Variants in DCC observed in about 807,000 individuals in gnomAD.
DCC encodes the protein netrin receptor DCC.
Under a neutral mutation model 172.5 loss-of-function variants are expected in DCC, and 58 were observed. The observed-to-expected ratio is 0.34, with a 90% CI of 0.27 to 0.42. The LOEUF (loss-of-function observed/expected upper bound fraction) is 0.42. DCC is among the 10% of genes least tolerant of loss of function. DCC has a pLI of 1.00. For synonymous variants in DCC, 709 were observed against 644.5 expected, an observed-to-expected ratio of 1.10 and a Z score of -1.52; for missense variants, 1,740 against 1,791.0, an observed-to-expected ratio of 0.97 and a Z score of 0.51.
intron 2 of DCC, among the ~76,000 whole-genome samples, chr18:52,769,587 T>G (rs756301234): frequency 6.6e-6 from 1 of 152,160 alleles, no homozygotes; most frequent in Non-Finnish European, 1.5e-5. Flanking sequence ...TGCAATTCAG[T>G]CTATCAATTA....
In DCC at chr18:52,879,393, T is replaced by C. The variant is rs527603395; in HGVS notation, c.413-26651T>C. ...GTTAACCAACTATACATGAAATTTCTAGCCCATATGTTGTTTGGCTTTTTT... is the reference window on the plus strand; with the variant it reads ...GTTAACCAACTATACATGAAATTTCCAGCCCATATGTTGTTTGGCTTTTTT... On this transcript the variant is annotated intron_variant, in intron 2 of 28. Coordinates refer to ENST00000442544, the MANE Select transcript of DCC (RefSeq NM_005215.4). Among the ~76,000 whole-genome samples the C allele has an allele frequency of 6.0e-5, 9 of 149,202 alleles. No homozygotes were observed. The South Asian group carries it at 1.9e-3, about 32-fold the overall frequency.
intron 2 of DCC, among the ~76,000 whole-genome samples, chr18:52,866,715 T>G (rs1252243849): frequency 6.6e-6 from 1 of 152,236 alleles, no homozygotes; most frequent in East Asian, 1.9e-4. Flanking sequence ...ATGCTTATGA[T>G]TTTCGCACAT....
intron 5 of DCC, among the ~76,000 whole-genome samples, chr18:52,959,329 G>T (rs2040801238): frequency 1.3e-5 from 2 of 152,076 alleles, no homozygotes; most frequent in South Asian, 2.1e-4. Flanking sequence ...CCAGAAAATT[G>T]TTCATGTTAA....
chr18:53,385,341 C>G (rs1908086225), intron 15 of DCC, among the ~76,000 whole-genome samples: 1 of 152,122 alleles, frequency 6.6e-6, no homozygotes, highest in Non-Finnish European at 1.5e-5. Flanking sequence ...ATGTGACATT[C>G]AAAGCTAAAG....
chr18:52,677,836 C>T (rs978273554), intron 1 of DCC, among the ~76,000 whole-genome samples: 11 of 152,108 alleles, frequency 7.2e-5, no homozygotes, highest in African/African-American at 2.2e-4. Context: ...GCTGGCTTCT[C>T]GTTGAGCAAG....
At chr18:52,458,386 G>T (rs1988524328) in intron 1 of DCC, among the ~76,000 whole-genome samples, 1 of 152,052 alleles carries the variant, frequency 6.6e-6, no homozygotes, top group African/African-American at 2.4e-5. Context: ...GTGTCTTAGG[G>T]GTACTGGGTG....
At chr18:52,758,929 T>C (rs1260565665) in intron 2 of DCC, 1 of 152,178 alleles carries the variant, frequency 6.6e-6, no homozygotes, top group Non-Finnish European at 1.5e-5. Context: ...TTTACATTTA[T>C]AGAGATATTG....
intron 2 of DCC, among the ~76,000 whole-genome samples, chr18:52,878,077 C>T (rs1187023340): frequency 1.3e-5 from 2 of 152,066 alleles, no homozygotes; most frequent in Admixed American, 6.5e-5. Context: ...CCCCAAAACT[C>T]CCCTCCCCAC....
At chr18:52,386,620 A>C (rs1276712629) in intron 1 of DCC, among the ~76,000 whole-genome samples, 1 of 152,064 alleles carries the variant, frequency 6.6e-6, no homozygotes, top group Non-Finnish European at 1.5e-5. Context: ...ATTATTTCTG[A>C]AAATGTGTGT....
At chr18:52,913,496 A>G (rs9963261) in intron 3 of DCC, among the ~76,000 whole-genome samples, 60,066 of 151,686 alleles carry the variant, frequency 0.4, 12,471 homozygotes, top group Non-Finnish European at 0.47. Context: ...CAAATCAACC[A>G]GTTTTTTTTT....
intron 2 of DCC, among the ~76,000 whole-genome samples, chr18:52,900,100 G>A (rs189447183): frequency 9.1e-4 from 138 of 152,288 alleles, no homozygotes; most frequent in African/African-American, 3.0e-3. Context: ...AGGACAACTG[G>A]TTCTATCCGG....
At chr18:53,454,146 G>A (rs906896413) in intron 23 of DCC, among the ~76,000 whole-genome samples, 3 of 152,158 alleles carry the variant, frequency 2.0e-5, no homozygotes, top group Non-Finnish European at 2.9e-5. Context: ...CCAGGAGTTT[G>A]AGACCAGCCT....
chr18:53,093,844 C>T (rs111961143), intron 7 of DCC, among the ~76,000 whole-genome samples: 18 of 152,250 alleles, frequency 1.2e-4, no homozygotes, highest in Non-Finnish European at 2.4e-4. Context: ...CAGCGATAAA[C>T]GCCTGACCTT....
chr18:53,461,775 G>A lies in DCC; in HGVS notation c.3619+2317G>A, dbSNP rs542594802. Among the ~76,000 whole-genome samples, 6 of 152,230 alleles carry A rather than the reference G, an allele frequency of 3.9e-5. No individual in the cohort carries two copies. In the South Asian group the frequency reaches 1.2e-3, roughly 32 times the overall value. On this transcript the variant is annotated intron_variant, in intron 24 of 28. Coordinates refer to ENST00000442544, the MANE Select transcript of DCC (RefSeq NM_005215.4). ...CTTAGGCAGATTTCCTAACTTCCTT[G>A]TCACTCCAGTTATTGAAGGACAGTC...
rs531969521 is a variant in DCC at position 53,463,604 on chromosome 18, T to A, written c.3619+4146T>A. On this transcript the variant is annotated intron_variant, in intron 24 of 28. Coordinates refer to ENST00000442544, the MANE Select transcript of DCC (RefSeq NM_005215.4). ...GACTTTTATACATTATTTTGCCTAA[T>A]CTTCACAAAATACTTTGAGGTAGAT... Among the ~76,000 whole-genome samples the A allele has an allele frequency of 3.9e-5, 6 of 152,280 alleles. No homozygotes were observed. In the East Asian group the frequency reaches 1.2e-3, roughly 29 times the overall value.
intron 17 of DCC, among the ~76,000 whole-genome samples, chr18:53,394,854 G>A (rs1169323500): frequency 1.3e-5 from 2 of 152,058 alleles, no homozygotes; most frequent in East Asian, 3.9e-4. Flanking sequence ...AGAAAACTAA[G>A]GCTCAGGCTG....
rs965172431 is a variant in DCC, at chr18:52,635,962, C to T, written c.92-116092C>T. On this transcript the variant is annotated intron_variant, in intron 1 of 28. Coordinates refer to ENST00000442544, the MANE Select transcript of DCC (RefSeq NM_005215.4). ...AACAATCCCAAGAGGACACACAGAC[C>T]CTCTGACGGAAGTGGACTGCTCCTG... Among the ~76,000 whole-genome samples the T allele has an allele frequency of 3.3e-5, 5 of 152,072 alleles. No homozygotes were observed. In the South Asian group the frequency reaches 8.3e-4, roughly 25 times the overall value.
At chr18:52,951,354 T>G (rs1415294108) in intron 5 of DCC, among the ~76,000 whole-genome samples, 2 of 152,146 alleles carry the variant, frequency 1.3e-5, no homozygotes, top group African/African-American at 4.8e-5. Flanking sequence ...CCACGGTGGT[T>G]TGCTGCACCT....
chr18:52,678,978 A>T lies in DCC; in HGVS notation c.92-73076A>T, dbSNP rs934793974. ...CTTCCACACTTCAACTTTTGCTGTT[A>T]CCTGCTTGATTGCATTCTCTTTACC... On this transcript the variant is annotated intron_variant, in intron 1 of 28. Coordinates refer to ENST00000442544, the MANE Select transcript of DCC (RefSeq NM_005215.4). Among the ~76,000 whole-genome samples the T allele has an allele frequency of 3.9e-5, 6 of 152,010 alleles. No homozygotes were observed. The East Asian group carries it at 1.2e-3, about 30-fold the overall frequency.
Sources: allele counts gnomAD v4.1 joint callset (sites outside exome capture counted in the v4.1 genomes callset), GRCh38; gene constraint gnomAD v4.1.1; transcripts MANE v1.5; gene names NCBI Gene and HGNC (gene_info 2026-07-23, HGNC 2026-07-21).